The following FGF13 variants were observed in gnomAD, a reference collection of about 807,000 sequenced individuals.
The protein encoded by FGF13 is fibroblast growth factor homologous factor 2.
Under a neutral mutation model 19.5 loss-of-function variants are expected in FGF13, and 2 were observed. That is an observed-to-expected ratio of 0.10 (90% CI 0.04 to 0.32). The LOEUF (loss-of-function observed/expected upper bound fraction) is 0.32. FGF13 is among the 10% of genes least tolerant of loss of function. The probability of loss-of-function intolerance (pLI) is 1.00; values close to 1 mark genes in which losing one functional copy is unlikely to be tolerated. For missense variants in FGF13, 113 were observed against 192.7 expected (o/e 0.59, Z 2.45); for synonymous variants, 72 against 76.9 (o/e 0.94, Z 0.33).
chrX:139,059,566 C>G (rs1477923787), intron 1 of FGF13, among the ~76,000 whole-genome samples: 2 of 111,663 alleles, frequency 1.8e-5, no homozygotes, highest in East Asian at 5.6e-4. Context: ...GAGAACTTTC[C>G]TCGGTTTTGT....
At chrX:138,776,531 A>G (rs2090588843) in intron 3 of FGF13, among the ~76,000 whole-genome samples, 1 of 112,225 alleles carries the variant, frequency 8.9e-6, no homozygotes, top group African/African-American at 3.2e-5. Flanking sequence ...GATATGCCAA[A>G]GGCCTCACAA....
intron 1 of FGF13, among the ~76,000 whole-genome samples, chrX:138,992,182 G>A (rs2092019429): frequency 9.1e-6 from 1 of 110,296 alleles, no homozygotes; most frequent in South Asian, 3.8e-4. Context: ...TTTTCTATCA[G>A]GTTTTTAGTC....
chrX:139,009,203 A>T (rs2092117572), intron 1 of FGF13, among the ~76,000 whole-genome samples: 1 of 112,205 alleles, frequency 8.9e-6, no homozygotes, highest in African/African-American at 3.2e-5. Flanking sequence ...GGAAGAAGAG[A>T]AATCTCACAG....
At chrX:138,962,405 A>AAC (rs1284327028) in intron 1 of FGF13, among the ~76,000 whole-genome samples, 1 of 112,220 alleles carries the variant, frequency 8.9e-6, no homozygotes, top group African/African-American at 3.2e-5. Flanking sequence ...TGGAACTGTA[A>AAC]ACTGGTTCAA....
intron 1 of FGF13, among the ~76,000 whole-genome samples, chrX:138,984,594 G>A (rs201799345): frequency 0.016 from 421 of 25,829 alleles, 36 homozygotes; most frequent in East Asian, 0.06. Context: ...GAAGAAGGAG[G>A]AGGAGGAGGA....
chrX:139,029,995 A>G (rs1488080730), intron 1 of FGF13, among the ~76,000 whole-genome samples: 1 of 111,880 alleles, frequency 8.9e-6, no homozygotes, highest in Non-Finnish European at 1.9e-5. Flanking sequence ...GTGCAAATCC[A>G]GAAATAGACC....
chrX:138,905,780 A>G (rs756416391), intron 1 of FGF13, among the ~76,000 whole-genome samples: 4 of 112,217 alleles, frequency 3.6e-5, no homozygotes, highest in Non-Finnish European at 7.5e-5. Flanking sequence ...AGTCCACATT[A>G]GAGCATGTCA....
At chrX:138,672,582 C>T (rs2089624916) in intron 3 of FGF13, among the ~76,000 whole-genome samples, 1 of 111,786 alleles carries the variant, frequency 8.9e-6, no homozygotes, top group South Asian at 3.7e-4. Context: ...ATGAATATTT[C>T]TATTTGGGAC....
intron 3 of FGF13, among the ~76,000 whole-genome samples, chrX:138,778,159 G>A (rs2090604262): frequency 9.1e-6 from 1 of 109,728 alleles, no homozygotes; most frequent in African/African-American, 3.3e-5. Flanking sequence ...ATCTCACTAG[G>A]GAGTGCCAGA....
At chrX:139,048,893 A>G (rs917425411) in intron 1 of FGF13, among the ~76,000 whole-genome samples, 7 of 111,238 alleles carry the variant, frequency 6.3e-5, no homozygotes, top group Admixed American at 9.6e-5. Context: ...TTATAAAACT[A>G]ATTTCTTTTC....
intron 1 of FGF13, among the ~76,000 whole-genome samples, chrX:138,968,896 A>G (rs1293462559): frequency 8.9e-6 from 1 of 112,525 alleles, no homozygotes; most frequent in Non-Finnish European, 1.9e-5. Context: ...TGTAAAGTCT[A>G]TGAAGAAAGG....
chrX:138,996,023 T>C (rs770609035), intron 1 of FGF13, among the ~76,000 whole-genome samples: 1 of 111,698 alleles, frequency 9.0e-6, no homozygotes, highest in Non-Finnish European at 1.9e-5. Flanking sequence ...AGTGTACAGG[T>C]ACCCCAAATA....
intron 3 of FGF13, among the ~76,000 whole-genome samples, chrX:138,851,371 T>C (rs184118055): frequency 1.8e-5 from 2 of 111,770 alleles, no homozygotes; most frequent in East Asian, 5.7e-4. Context: ...GGAAAAGCAT[T>C]CCTATTTCTC....
At chrX:139,148,332 G>A in intron 1 of FGF13, among the ~76,000 whole-genome samples, 1 of 111,483 alleles carries the variant, frequency 9.0e-6, no homozygotes, top group Non-Finnish European at 1.9e-5. Flanking sequence ...ATTCAGAGTA[G>A]AACTTCATAC....
chrX:138,625,471 C>CATATATATATATAATATATATATATAT lies in FGF13; in HGVS notation c.*7378_*7379insATATATATATATATTATATATATATAT. On this transcript the variant is annotated 3_prime_UTR_variant, in exon 5 of 5. Transcript: ENST00000315930. Reference sequence around the variant, plus strand: ...GAAGAAAGAAAATTATATATATATACATATATATATATAATATATATATAT... The same window carrying CATATATATATATAATATATATATATAT: ...GAAGAAAGAAAATTATATATATATACATATATATATATAATATATATATATATATATATATATATAATATATATATAT... The CATATATATATATAATATATATATATAT allele has an allele frequency of 1.1e-5, 1 of 89,885 alleles. No homozygotes were observed. Among genetic ancestry groups the CATATATATATATAATATATATATATAT allele is most frequent in the East Asian group, 3.2e-4 (1 of 3,108 alleles). 7.4% of individuals were successfully genotyped at this position (89,885 alleles called of 1,213,427 possible).
upstream of FGF13, chrX:138,714,189 G>A: frequency 9.0e-6 from 1 of 111,545 alleles, no homozygotes; most frequent in African/African-American, 3.3e-5. Context: ...ATCTCTCTGT[G>A]ATCTGTCTGT....
At chrX:139,159,644 C>G (rs1391877151) in intron 1 of FGF13, among the ~76,000 whole-genome samples, 1 of 32,308 alleles carries the variant, frequency 3.1e-5, no homozygotes, top group Non-Finnish European at 4.9e-5. Context: ...ATTTACCAAG[C>G]AAAGAGAAAG....
At position 138,629,519 on chromosome X, in the gene FGF13, A is replaced by G. The variant is rs770245526; in HGVS notation, c.*3331T>C. ...AGGAAGTTCTCACTAAATCTGTTTG[A>G]TAAGTGGCGCTTTCCCATTCTCTCT... On this transcript the variant is annotated 3_prime_UTR_variant, in exon 5 of 5. Coordinates refer to ENST00000315930, the MANE Select transcript of FGF13 (RefSeq NM_004114.5). The G allele has an allele frequency of 8.7e-4, 97 of 111,016 alleles. No homozygotes were observed. The highest frequency in any genetic ancestry group is 3.0e-3 in the African/African-American group (93 of 30,527). 9.1% of individuals were successfully genotyped at this position (111,016 alleles called of 1,213,427 possible).
chrX:138,993,614 T>C (rs974614071), intron 1 of FGF13, among the ~76,000 whole-genome samples: 9 of 111,169 alleles, frequency 8.1e-5, no homozygotes, highest in African/African-American at 2.9e-4. Flanking sequence ...TAAAAACTCT[T>C]CCCTCATTAC....
Sources: allele counts gnomAD v4.1 joint callset (sites outside exome capture counted in the v4.1 genomes callset), GRCh38; gene constraint gnomAD v4.1.1; transcripts MANE v1.5; gene names NCBI Gene and HGNC (gene_info 2026-07-23, HGNC 2026-07-21).